Variants in VPS13D observed in about 807,000 individuals in gnomAD.
The protein encoded by VPS13D is vacuolar protein sorting 13 homolog D, also known as intermembrane lipid transfer protein VPS13D.
Under a neutral mutation model 461.9 loss-of-function variants are expected in VPS13D, and 187 were observed. The ratio of observed to expected loss-of-function variants is 0.40; its 90% CI spans 0.36 to 0.46. The LOEUF (loss-of-function observed/expected upper bound fraction) is 0.46. VPS13D is among the 20% of genes least tolerant of loss of function. The pLI, the probability that VPS13D is intolerant of heterozygous loss-of-function variation, is 0.60. For synonymous variants in VPS13D, 1,951 were observed against 1,986.3 expected (o/e 0.98, Z 0.47); for missense variants, 4,711 against 5,364.9 (o/e 0.88, Z 3.81).
intron 65 of VPS13D, 58 bp from the exon 66 acceptor site, chr1:12,455,940 A>T (rs901303954): frequency 6.5e-7 from 1 of 1,534,058 alleles, no homozygotes; most frequent in Non-Finnish European, 8.7e-7. Context: ...AAGTAATTCA[A>T]ATAGTAAAAA....
intron 27 of VPS13D, among the ~76,000 whole-genome samples, chr1:12,310,271 G>A (rs934119458): frequency 4.6e-5 from 7 of 152,152 alleles, no homozygotes; most frequent in Admixed American, 2.6e-4. Context: ...TTGGTCAGCC[G>A]TCTCTGTTTT....
intron 25 of VPS13D, among the ~76,000 whole-genome samples, chr1:12,304,166 T>C (rs1227886411): frequency 6.6e-6 from 1 of 152,212 alleles, no homozygotes; most frequent in African/African-American, 2.4e-5. Flanking sequence ...CTGAGAGACT[T>C]GCTTTTGCCG....
chr1:12,479,250 C>G (rs893307131), intron 67 of VPS13D, among the ~76,000 whole-genome samples: 1 of 152,164 alleles, frequency 6.6e-6, no homozygotes, highest in African/African-American at 2.4e-5. Flanking sequence ...GTTCAAAGGA[C>G]AAAAGGAAGA....
At position 12,283,592 on chromosome 1, in the gene VPS13D, A is replaced by G. The variant is rs1383836619; in HGVS notation, c.5490A>G (p.Leu1830=). 1 of 1,614,238 alleles carries G rather than the reference A, an allele frequency of 6.2e-7. No individual in the cohort carries two copies. Among genetic ancestry groups the G allele is most frequent in the South Asian group, 1.1e-5 (1 of 91,084 alleles). ...CACTGCAAACCTGGGTTGTGATATT[A>G]GACTTTTTTGGAATCGGCTCCACTG... ...LITLQTWVVI[L]DFFGIGSTAD... Residue 1830 remains leucine, a synonymous_variant, in exon 21 of 70, where the codon TTA becomes TTG. Transcript: ENST00000620676.
At chr1:12,416,382 T>C (rs1355465436) in intron 64 of VPS13D, among the ~76,000 whole-genome samples, 3 of 152,220 alleles carry the variant, frequency 2.0e-5, no homozygotes, top group East Asian at 3.8e-4. Context: ...CAAATACTCA[T>C]AAGAATGCTT....
chr1:12,305,500 G>A (rs1642536477), intron 26 of VPS13D, among the ~76,000 whole-genome samples: 1 of 152,076 alleles, frequency 6.6e-6, no homozygotes, highest in Non-Finnish European at 1.5e-5. Context: ...TGTTGCTCAG[G>A]CTGGGTCTTA....
intron 65 of VPS13D, among the ~76,000 whole-genome samples, chr1:12,442,599 T>TTTTCC (rs1645144298): frequency 6.6e-6 from 1 of 151,816 alleles, no homozygotes; most frequent in Non-Finnish European, 1.5e-5. Flanking sequence ...TTTTTTTTTT[T>TTTTCC]TTTCCTTTTC....
intron 65 of VPS13D, among the ~76,000 whole-genome samples, chr1:12,443,878 T>C (rs12065351): frequency 0.043 from 6,476 of 151,752 alleles, 249 homozygotes; most frequent in Admixed American, 0.11. Context: ...GATGGTCTTG[T>C]TCTGTTGTCC....
intron 2 of VPS13D, among the ~76,000 whole-genome samples, chr1:12,235,965 C>G (rs1286697003): frequency 1.3e-5 from 2 of 152,152 alleles, no homozygotes; most frequent in East Asian, 3.8e-4. Flanking sequence ...AGAGCATTTG[C>G]CAAAGAAATG....
At chr1:12,416,965 C>A in intron 65 of VPS13D, 138 bp downstream of exon 65, 1 of 940,122 alleles carries the variant, frequency 1.1e-6, no homozygotes, top group Non-Finnish European at 1.5e-6. Context: ...CTTGCCTTTT[C>A]CTCACCTCCA....
intron 66 of VPS13D, among the ~76,000 whole-genome samples, chr1:12,459,337 A>G (rs935647595): frequency 1.3e-5 from 2 of 152,182 alleles, no homozygotes; most frequent in Non-Finnish European, 2.9e-5. Context: ...GGTTATATGC[A>G]AACACCTACA....
chr1:12,468,717 G>A (rs1645524293), intron 67 of VPS13D, among the ~76,000 whole-genome samples: 2 of 152,192 alleles, frequency 1.3e-5, no homozygotes, highest in African/African-American at 4.8e-5. Context: ...GATTGAATTA[G>A]TAAAACATTC....
chr1:12,436,947 C>G (rs988622102), intron 65 of VPS13D, among the ~76,000 whole-genome samples: 3 of 152,178 alleles, frequency 2.0e-5, no homozygotes, highest in African/African-American at 4.8e-5. Context: ...GGATTACACG[C>G]GTGAGCCACC....
intron 21 of VPS13D, among the ~76,000 whole-genome samples, chr1:12,285,955 T>G (rs1641954577): frequency 8.3e-6 from 1 of 121,208 alleles, no homozygotes; most frequent in African/African-American, 3.7e-5. Flanking sequence ...TTCCTTTCCT[T>G]TCCTTTCCTT....
chr1:12,412,790 T>C (rs115510703), intron 63 of VPS13D, among the ~76,000 whole-genome samples: 3,054 of 152,292 alleles, frequency 0.02, 105 homozygotes, highest in African/African-American at 0.064. Flanking sequence ...TAAGAAAATA[T>C]TGATAAGGCA....
At position 12,377,533 on chromosome 1, in the gene VPS13D, A is replaced by T. The variant is rs1644215727; in HGVS notation, c.10918-895A>T. ...AAGAGAAAATATATTTAGAACTAGC[A>T]ATCTGGCCAGGCACGGTAGCTCATG... On this transcript the variant is annotated intron_variant, in intron 55 of 69. Coordinates refer to ENST00000620676, the MANE Select transcript of VPS13D (RefSeq NM_015378.4). 2.0e-5 allele frequency among the ~76,000 whole-genome samples: 3 copies of T among 152,216 alleles called. No individual in the cohort carries two copies. In the South Asian group the frequency reaches 6.2e-4, roughly 32 times the overall value.
intron 20 of VPS13D, 116 bp from the exon 21 acceptor site, chr1:12,282,589 A>G (rs972914091): frequency 3.0e-6 from 3 of 992,222 alleles, no homozygotes; most frequent in Non-Finnish European, 4.5e-6. Context: ...AGTCTTTGCT[A>G]TCAGGTAACT....
At chr1:12,451,229 C>T (rs1392520329) in intron 65 of VPS13D, among the ~76,000 whole-genome samples, 1 of 152,208 alleles carries the variant, frequency 6.6e-6, no homozygotes, top group Admixed American at 6.5e-5. Flanking sequence ...TTTGCAGTGT[C>T]TCCATTTGTG....
At chr1:12,298,351 G>A (rs1290841550) in intron 24 of VPS13D, among the ~76,000 whole-genome samples, 1 of 152,120 alleles carries the variant, frequency 6.6e-6, no homozygotes, top group Non-Finnish European at 1.5e-5. Context: ...TTATAAAGAG[G>A]ATATGTTCTG....
Sources: gnomAD v4.1 joint callset for allele counts (sites outside exome capture counted in the v4.1 genomes callset) on GRCh38, gnomAD v4.1.1 for gene constraint, MANE v1.5 for transcripts, NCBI Gene and HGNC (gene_info 2026-07-23, HGNC 2026-07-21) for gene names.